The following QSER1 variants were observed in gnomAD, a reference collection of about 807,000 sequenced individuals.
QSER1 encodes glutamine and serine-rich protein 1.
Under a neutral mutation model 158.5 loss-of-function variants are expected in QSER1, and 49 were observed. That is an observed-to-expected ratio of 0.31 (90% confidence interval 0.25 to 0.39). The LOEUF is 0.39. Ranked by LOEUF, QSER1 falls within the 10% of genes least tolerant of loss-of-function variation. QSER1 has a pLI of 1.00. For synonymous variants in QSER1, 650 were observed against 715.5 expected (o/e 0.91, Z 1.46); for missense variants, 1,754 against 2,010.3 (o/e 0.87, Z 2.44).
intron 8 of QSER1, among the ~76,000 whole-genome samples, chr11:32,965,203 C>T (rs374067881): frequency 2.5e-4 from 38 of 152,190 alleles, no homozygotes; most frequent in Non-Finnish European, 4.9e-4. Context: ...TCTCAACCTC[C>T]GGGACTCAAG....
chr11:32,922,708 C>T (rs1793310488), intron 1 of QSER1, among the ~76,000 whole-genome samples: 2 of 151,946 alleles, frequency 1.3e-5, no homozygotes, highest in Admixed American at 6.6e-5. Context: ...TGGTCTTGAA[C>T]TCCTGACTTC....
chr11:32,942,246 A>G (rs1852252571), intron 4 of QSER1, among the ~76,000 whole-genome samples: 1 of 136,876 alleles, frequency 7.3e-6, no homozygotes, highest in Non-Finnish European at 1.6e-5. Context: ...ATTAGATCCC[A>G]TTTGTCAATT....
In QSER1 at chr11:32,906,358, G is replaced by T. The variant is rs191232495; in HGVS notation, c.209+13024G>T. Among the ~76,000 whole-genome samples the T allele has an allele frequency of 3.7e-4, 56 of 152,172 alleles. 1 individual carries two copies. In the East Asian group the frequency reaches 0.01, roughly 28 times the overall value. ...AATCGCTTGAACCTAGGAGGCAGAGGTTGCAGTGAGCCGAGATCGGCGCCA... is the reference window on the plus strand; with the variant it reads ...AATCGCTTGAACCTAGGAGGCAGAGTTTGCAGTGAGCCGAGATCGGCGCCA... On this transcript the variant is annotated intron_variant, in intron 1 of 12. Coordinates refer to ENST00000650167, the MANE Select transcript of QSER1 (RefSeq NM_001076786.3).
At position 32,902,903 on chromosome 11, in the gene QSER1, G is replaced by A. The variant is rs1038654136; in HGVS notation, c.209+9569G>A. ...CAAGCAAAGAGAGATTTATTAATTT[G>A]TCCAATATCGTTGCTAGTAAGTGGC... On this transcript the variant is annotated intron_variant, in intron 1 of 12. Coordinates refer to ENST00000650167, the MANE Select transcript of QSER1 (RefSeq NM_001076786.3). Among the ~76,000 whole-genome samples, 4 of 152,182 alleles carry A rather than the reference G, an allele frequency of 2.6e-5. No individual in the cohort carries two copies. The East Asian group carries it at 5.8e-4, about 22-fold the overall frequency.
In QSER1 at chr11:32,934,000, A is replaced by G; in HGVS notation, c.2742A>G (p.Gln914=). Residue 914 remains glutamine, a synonymous_variant, in exon 4 of 13, where the codon CAA becomes CAG. Transcript: ENST00000650167. The part of the protein sequence containing the change: ...IQSNGDHSQQ[Q]LHPQNSEVMK... ...GCAATGGTGATCATTCTCAGCAGCAACTCCATCCTCAAAATTCTGAAGTTA... is the reference window on the plus strand; with the variant it reads ...GCAATGGTGATCATTCTCAGCAGCAGCTCCATCCTCAAAATTCTGAAGTTA... The G allele has an allele frequency of 6.2e-7, 1 of 1,613,666 alleles. No homozygotes were observed.
At chr11:32,944,381 A>G (rs1326194269) in intron 4 of QSER1, among the ~76,000 whole-genome samples, 1 of 147,948 alleles carries the variant, frequency 6.8e-6, no homozygotes, top group Non-Finnish European at 1.5e-5. Context: ...TTAGTGCTAT[A>G]AATTTCCCTC....
chr11:32,966,553 C>A (rs1852753077), intron 9 of QSER1, 116 bp downstream of exon 9: 1 of 832,904 alleles, frequency 1.2e-6, no homozygotes. Context: ...TATAAATTGT[C>A]AGTTAAATAT....
rs776214009 is a variant in QSER1, at chr11:32,955,365, G to T, written c.4570G>T (p.Val1524Phe). The T allele has an allele frequency of 6.2e-7, 1 of 1,601,072 alleles. No individual in the cohort carries two copies. The highest frequency in any genetic ancestry group is 1.8e-5 in the Admixed American group (1 of 56,626). Reference protein sequence around the residue: ...KVQKALLQKFVPEIRDGQREF... With the variant: ...KVQKALLQKFFPEIRDGQREF... ...ACAAAAAGCTTTATTACAGAAATTT[G>T]TTCCTGAAATTCGAGATGGTCAAAG... Residue 1524 changes from valine (V) to phenylalanine (F), a missense_variant, in exon 6 of 13, where the codon GTT becomes TTT. By Grantham distance (50) the Val-to-Phe change is conservative (BLOSUM62 -1). Transcript: ENST00000650167.
At chr11:32,911,138 A>C (rs958463768) in intron 1 of QSER1, among the ~76,000 whole-genome samples, 1 of 152,070 alleles carries the variant, frequency 6.6e-6, no homozygotes, top group Non-Finnish European at 1.5e-5. Context: ...TTTCCTCTTA[A>C]GTTTTTAGTT....
At chr11:32,902,669 T>C (rs1025191309) in intron 1 of QSER1, among the ~76,000 whole-genome samples, 4 of 152,054 alleles carry the variant, frequency 2.6e-5, no homozygotes, top group African/African-American at 9.7e-5. Flanking sequence ...ATAGAGACAA[T>C]AGTGGAATCT....
At chr11:32,973,351 G>C in intron 10 of QSER1, 46 bp from the exon 11 acceptor site, 1 of 1,600,500 alleles carries the variant, frequency 6.2e-7, no homozygotes, top group South Asian at 1.1e-5. Flanking sequence ...AGTAGTTTAG[G>C]TTAGTTTTCT....
chr11:32,912,583 C>CTGATGCG (rs1851781065), intron 1 of QSER1, among the ~76,000 whole-genome samples: 2 of 151,798 alleles, frequency 1.3e-5, no homozygotes, highest in African/African-American at 4.8e-5. Context: ...AAAAACTAAC[C>CTGATGCG]AGGCGATGCT....
chr11:32,936,751 G>A (rs1852158540), intron 4 of QSER1, among the ~76,000 whole-genome samples: 1 of 152,178 alleles, frequency 6.6e-6, no homozygotes, highest in African/African-American at 2.4e-5. Context: ...GATAAATAGG[G>A]TGGTGCTTTA....
intron 1 of QSER1, among the ~76,000 whole-genome samples, chr11:32,924,373 G>T (rs1851939241): frequency 6.6e-6 from 1 of 151,950 alleles, no homozygotes; most frequent in African/African-American, 2.4e-5. Flanking sequence ...TTCCAGACCA[G>T]CCTGGGCAAC....
rs747335134 is a variant in QSER1 at position 32,933,273 on chromosome 11, A to C, written c.2015A>C (p.Lys672Thr). ...AATAACATAACTTCCCCTGACCCAAAGTCTTATGCTGAAAGAAAGCTTGAC... is the reference window on the plus strand; with the variant it reads ...AATAACATAACTTCCCCTGACCCAACGTCTTATGCTGAAAGAAAGCTTGAC... Reference protein sequence around the residue: ...LQNNITSPDPKSYAERKLDSD... With the variant: ...LQNNITSPDPTSYAERKLDSD... Residue 672 changes from lysine to threonine, a missense_variant, in exon 4 of 13, where the codon AAG (lysine) becomes ACG (threonine). By Grantham distance (78) the Lys-to-Thr change is moderately conservative (BLOSUM62 -1). Coordinates refer to ENST00000650167, the MANE Select transcript of QSER1 (RefSeq NM_001076786.3). The C allele has an allele frequency of 1.9e-6, 3 of 1,610,704 alleles. No homozygotes were observed. In the South Asian group the frequency reaches 3.3e-5, roughly 18 times the overall value.
chr11:32,974,104 G>T (rs1379113589), intron 11 of QSER1, among the ~76,000 whole-genome samples: 2 of 152,068 alleles, frequency 1.3e-5, no homozygotes, highest in African/African-American at 4.8e-5. Flanking sequence ...AAACAGTTTG[G>T]CAACATATCA....
chr11:32,964,158 A>C (rs1852681165), intron 8 of QSER1, among the ~76,000 whole-genome samples: 1 of 152,020 alleles, frequency 6.6e-6, no homozygotes, highest in Non-Finnish European at 1.5e-5. Flanking sequence ...TTTTTTTTGT[A>C]GAGACAGGAT....
chr11:32,917,086 C>T (rs566991080), intron 1 of QSER1, among the ~76,000 whole-genome samples: 5 of 152,184 alleles, frequency 3.3e-5, no homozygotes, highest in South Asian at 2.1e-4. Context: ...CACGCCCGGC[C>T]GGGCATGACT....
At position 32,933,680 on chromosome 11, in the gene QSER1, C is replaced by T; in HGVS notation, c.2422C>T (p.Gln808Ter). The stretch of plus-strand genomic sequence containing the variant: ...GTTGAATACTAAAGACTTAAAGCAG[C>T]AACATCCTCTCATACTTAAGGTGCA... ...IRLNTKDLKQ[Q>*]HPLILKVHES... is the part of the protein sequence containing the mutation. The change falls in exon 4 of 13, where the codon CAA becomes TAA. Residue 808 changes from glutamine to a stop codon, truncating the protein, a stop_gained. Transcript: ENST00000650167. LOFTEE classifies it high-confidence loss of function. 6.2e-7 allele frequency: 1 copy of T among 1,613,534 alleles called. No individual in the cohort carries two copies. The highest frequency in any genetic ancestry group is 1.3e-5 in the African/African-American group (1 of 75,010).
Sources: allele counts gnomAD v4.1 joint callset (sites outside exome capture counted in the v4.1 genomes callset), GRCh38; gene constraint gnomAD v4.1.1; transcripts MANE v1.5; gene names NCBI Gene and HGNC (gene_info 2026-07-23, HGNC 2026-07-21).